The following MBD2 variants were observed in gnomAD, a reference collection of about 807,000 sequenced individuals.
The protein encoded by MBD2 is methyl-CpG binding domain protein 2.
A neutral mutation model predicts 39.3 loss-of-function variants in MBD2; 9 were observed. The ratio of observed to expected loss-of-function variants is 0.23; its 90% CI spans 0.14 to 0.40. MBD2 has a LOEUF of 0.40. Ranked by LOEUF, MBD2 falls within the 10% of genes least tolerant of loss-of-function variation. MBD2 has a pLI of 1.00. For missense variants in MBD2, 458 were observed against 532.6 expected (o/e 0.86, Z 1.38); for synonymous variants, 233 against 211.1 (o/e 1.10, Z -0.90).
intron 3 of MBD2, among the ~76,000 whole-genome samples, chr18:54,167,901 G>A (rs2086146285): frequency 6.7e-6 from 1 of 149,444 alleles, no homozygotes; most frequent in South Asian, 2.1e-4. Flanking sequence ...CTTTCTATTT[G>A]CTCTCTGGTG....
At chr18:54,171,055 G>C (rs1419467989) in intron 3 of MBD2, among the ~76,000 whole-genome samples, 1 of 151,790 alleles carries the variant, frequency 6.6e-6, no homozygotes, top group Non-Finnish European at 1.5e-5. Flanking sequence ...AATACTTAAG[G>C]TGATTCTGAT....
chr18:54,184,478 C>T (rs1206568083), intron 3 of MBD2, among the ~76,000 whole-genome samples: 1 of 152,078 alleles, frequency 6.6e-6, no homozygotes, highest in Non-Finnish European at 1.5e-5. Context: ...GTCCCTGATG[C>T]CAAAAAGGTT....
intron 1 of MBD2, among the ~76,000 whole-genome samples, chr18:54,214,840 C>A (rs1010016411): frequency 1.2e-4 from 18 of 151,142 alleles, no homozygotes; most frequent in African/African-American, 3.9e-4. Flanking sequence ...CCCGGGTTCA[C>A]GCCATTCTCC....
intron 3 of MBD2, among the ~76,000 whole-genome samples, chr18:54,169,454 T>C (rs1035573365): frequency 2.6e-5 from 4 of 152,198 alleles, no homozygotes; most frequent in African/African-American, 9.7e-5. Context: ...TTGCCTAAGT[T>C]TAACATTTCC....
chr18:54,218,553 T>A (rs2086581442), intron 1 of MBD2, among the ~76,000 whole-genome samples: 2 of 152,220 alleles, frequency 1.3e-5, no homozygotes, highest in Admixed American at 1.3e-4. Context: ...AACCACCAGC[T>A]TCAGGTTGTA....
Position 54,159,692 on chromosome 18 carries a change from C to T in MBD2, c.*12+73G>A, listed in dbSNP as rs2086081022. ...CTCAGCCACCCAAGTGCTGGGATTACAGGCAGAAGCACTATGTCCGGCCAA... is the reference window on the plus strand; with the variant it reads ...CTCAGCCACCCAAGTGCTGGGATTATAGGCAGAAGCACTATGTCCGGCCAA... On this transcript the variant is annotated intron_variant, in intron 6 of 6. Transcript: ENST00000256429. 7.8e-6 allele frequency: 12 copies of T among 1,532,150 alleles called. No homozygotes were observed. In the South Asian group the frequency reaches 1.3e-4, roughly 17 times the overall value. The allele number at this position is 1,532,150 out of a possible 1,614,324, so 94.9% of individuals were successfully genotyped here.
At chr18:54,209,297 CAAAAAAAAAAAAAAAA>C (rs34165824) in intron 1 of MBD2, among the ~76,000 whole-genome samples, 1 of 67,628 alleles carries the variant, frequency 1.5e-5, no homozygotes, top group Admixed American at 1.7e-4. Context: ...ACTCCATCTC[CAAAAAAAAAAAAAAAA>C]AAAAAAAGGA....
chr18:54,198,881 C>T (rs2086385605), intron 2 of MBD2, among the ~76,000 whole-genome samples: 1 of 152,188 alleles, frequency 6.6e-6, no homozygotes, highest in South Asian at 2.1e-4. Context: ...CATGCATTCT[C>T]TTCTGAATAT....
intron 2 of MBD2, among the ~76,000 whole-genome samples, chr18:54,200,456 G>A (rs1568088848): frequency 6.6e-6 from 1 of 152,174 alleles, no homozygotes; most frequent in African/African-American, 2.4e-5. Context: ...CAAGCTGCAT[G>A]AAGTCCCCTA....
intron 3 of MBD2, among the ~76,000 whole-genome samples, chr18:54,168,815 T>G (rs938378177): frequency 1.3e-5 from 2 of 151,930 alleles, no homozygotes; most frequent in African/African-American, 4.8e-5. Flanking sequence ...GAAGCTCACC[T>G]AATTTCACTG....
intron 6 of MBD2, among the ~76,000 whole-genome samples, chr18:54,157,696 A>G (rs563438768): frequency 3.9e-5 from 6 of 152,288 alleles, no homozygotes; most frequent in African/African-American, 1.4e-4. Flanking sequence ...GCACTATGGA[A>G]GGGGATAATT....
At position 54,164,723 on chromosome 18, in the gene MBD2, G is replaced by A. The variant is rs774790765; in HGVS notation, c.932-23C>T. 8 of 1,581,936 alleles carry A rather than the reference G, an allele frequency of 5.1e-6. No homozygotes were observed. The Admixed American group carries it at 1.2e-4, about 23-fold the overall frequency. ...CTCCTGCAATGAGAAACAAGTACTAGTTAAAGGAAATGTCTCAATGTGCTG... is the reference window on the plus strand; with the variant it reads ...CTCCTGCAATGAGAAACAAGTACTAATTAAAGGAAATGTCTCAATGTGCTG... On this transcript the variant is annotated intron_variant, in intron 4 of 6. Coordinates refer to ENST00000256429, the MANE Select transcript of MBD2 (RefSeq NM_003927.5).
At chr18:54,203,093 T>A (rs954103928) in intron 2 of MBD2, 2 of 1,604,300 alleles carry the variant, frequency 1.2e-6, no homozygotes, top group South Asian at 1.1e-5. Flanking sequence ...CGATGAGTGT[T>A]CCAGCGCAGC....
chr18:54,205,178 T>C (rs922274285), intron 1 of MBD2, 21 bp from the exon 2 acceptor site: 1 of 1,609,062 alleles, frequency 6.2e-7, no homozygotes, highest in East Asian at 2.2e-5. Context: ...GTAAGGTTAA[T>C]TGAACAAAAG....
At chr18:54,223,389 C>A (rs539121496) in intron 1 of MBD2, among the ~76,000 whole-genome samples, 1 of 152,326 alleles carries the variant, frequency 6.6e-6, no homozygotes, top group African/African-American at 2.4e-5. Context: ...GCCAGTATCA[C>A]ACCCTCCCCA....
intron 1 of MBD2, chr18:54,222,324 A>C (rs765733097): frequency 1.9e-6 from 1 of 517,542 alleles, no homozygotes; most frequent in South Asian, 1.4e-5. Flanking sequence ...GCACAGTCCC[A>C]GGGCAAGGAT....
rs745365599 is a variant in MBD2, at chr18:54,159,827, C to T, written c.1186G>A (p.Ala396Thr). 5 of 1,612,728 alleles carry T rather than the reference C, an allele frequency of 3.1e-6. No homozygotes were observed. In the South Asian group the frequency reaches 5.5e-5, roughly 18 times the overall value. The stretch of plus-strand genomic sequence containing the variant: ...TCAATATCCATCTCTTCTGTATCAG[C>T]AGCTCGCGACAAGATGTCTGCCATC... ...ALMADILSRAADTEEMDIEMD... is the reference protein window; with the variant it reads ...ALMADILSRATDTEEMDIEMD... The change falls in exon 6 of 7, where the codon GCT becomes ACT. Residue 396 changes from alanine (A) to threonine (T), a missense_variant. By Grantham distance (58) the Ala-to-Thr change is moderately conservative. Transcript: ENST00000256429.
At chr18:54,200,848 G>C (rs2086401723) in intron 2 of MBD2, among the ~76,000 whole-genome samples, 1 of 152,114 alleles carries the variant, frequency 6.6e-6, no homozygotes, top group Non-Finnish European at 1.5e-5. Flanking sequence ...GGGAGGCCGA[G>C]GCGGGCGGAT....
intron 2 of MBD2, chr18:54,203,081 G>C: frequency 1.3e-6 from 2 of 1,571,456 alleles, no homozygotes; most frequent in Non-Finnish European, 1.8e-6. Context: ...CATGGTGCAG[G>C]ACGATGAGTG....
Sources: gnomAD v4.1 joint callset for allele counts (sites outside exome capture counted in the v4.1 genomes callset) on GRCh38, gnomAD v4.1.1 for gene constraint, MANE v1.5 for transcripts, NCBI Gene and HGNC (gene_info 2026-07-23, HGNC 2026-07-21) for gene names.